The following WNK4 variants were observed in gnomAD, a reference collection of about 807,000 sequenced individuals.
WNK4 encodes WNK lysine deficient protein kinase 4, also known as serine/threonine-protein kinase WNK4.
Under a neutral mutation model 116.2 loss-of-function variants are expected in WNK4, and 94 were observed. The observed-to-expected ratio is 0.81, with a 90% CI of 0.68 to 0.96. The LOEUF (loss-of-function observed/expected upper bound fraction) is 0.96. WNK4 is among the 40% of genes least tolerant of loss of function. The probability of loss-of-function intolerance (pLI) is 0.00; values close to 1 mark genes in which losing one functional copy is unlikely to be tolerated. For synonymous variants in WNK4, 655 were observed against 672.7 expected (o/e 0.97, Z 0.41); for missense variants, 1,542 against 1,650.6 (o/e 0.93, Z 1.14).
At position 42,793,618 on chromosome 17, in the gene WNK4, G is replaced by T; in HGVS notation, c.2184G>T (p.Ser728=). ...TATATAACGAGTTCATTCTGCCTTC[G>T]GAGCGAGATGGATTTCTCAGACGGA... ...AMVYNEFILP[S]ERDGFLRRIR... Residue 728 remains serine (S), a synonymous_variant, in exon 12 of 19, where the codon TCG becomes TCT. Coordinates refer to ENST00000246914, the MANE Select transcript of WNK4 (RefSeq NM_032387.5). The T allele has an allele frequency of 6.2e-7, 1 of 1,613,986 alleles. No individual in the cohort carries two copies. Among genetic ancestry groups the T allele is most frequent in the East Asian group, 2.2e-5 (1 of 44,868 alleles).
Position 42,794,953 on chromosome 17 carries a change from C to G in WNK4, c.2532C>G (p.Ser844=). Residue 844 remains serine, a synonymous_variant, in exon 14 of 19, where the codon TCC becomes TCG. Coordinates refer to ENST00000246914, the MANE Select transcript of WNK4 (RefSeq NM_032387.5). ...PPCHPSPSPF[S]PISSQVSSNP... ...GTCATCCCAGCCCCTCCCCATTCTCCCCCATTTCTTCCCAGGTCTCCTCAA... is the reference window on the plus strand; with the variant it reads ...GTCATCCCAGCCCCTCCCCATTCTCGCCCATTTCTTCCCAGGTCTCCTCAA... 1 of 1,612,198 alleles carries G rather than the reference C, an allele frequency of 6.2e-7. No individual in the cohort carries two copies. Among genetic ancestry groups the G allele is most frequent in the African/African-American group, 1.3e-5 (1 of 74,352 alleles).
intron 11 of WNK4, among the ~76,000 whole-genome samples, chr17:42,791,326 C>A (rs1193417186): frequency 6.6e-6 from 1 of 152,232 alleles, no homozygotes; most frequent in Admixed American, 6.5e-5. Flanking sequence ...TTCAGCTACA[C>A]TTGAGTCCTC....
rs761124764 is a variant in WNK4 at position 42,795,733 on chromosome 17, CT to C, written c.3133del (p.Ser1045GlnfsTer59). ...CCCACTCTCTCTGGTTCTCCAAAAC[CT>C]TCAACCCCTCAGCTCACTTCAGAGA... ...TSPTLSGSPK[P>X]STPQLTSESS... On this transcript the variant is annotated frameshift_variant, in exon 16 of 19. Transcript: ENST00000246914. LOFTEE classifies it high-confidence loss of function. 29 of 1,613,684 alleles carry C rather than the reference CT, an allele frequency of 1.8e-5. No individual in the cohort carries two copies. Among genetic ancestry groups the C allele is most frequent in the Admixed American group, 3.3e-5 (2 of 60,028 alleles).
Position 42,787,881 on chromosome 17 carries a change from C to A in WNK4, c.1845C>A (p.Ser615=), listed in dbSNP as rs1468198285. Residue 615 remains serine, a synonymous_variant, in exon 8 of 19, where the codon TCC becomes TCA. Transcript: ENST00000246914. ...PGGVPSSLAE[S]HLCLPSAFAL... is the part of the protein sequence containing the mutation. ...GGGTGCCATCCAGCCTGGCTGAGTC[C>A]CATCTCTGCCTGCCCTCGGTGAGAG... 6.2e-7 allele frequency: 1 copy of A among 1,610,802 alleles called. No homozygotes were observed. Among genetic ancestry groups the A allele is most frequent in the South Asian group, 1.1e-5 (1 of 91,088 alleles).
rs756692904 is a variant in WNK4 at position 42,781,329 on chromosome 17, G to A, written c.618+13G>A. 3.1e-6 allele frequency: 5 copies of A among 1,614,070 alleles called. No individual in the cohort carries two copies. The Admixed American group carries it at 8.3e-5, about 27-fold the overall frequency. On this transcript the variant is annotated intron_variant, in intron 1 of 18. Transcript: ENST00000246914. ...GTGTGAGCTGCAGGTGCGGCTGGGA[G>A]CCCCCTCGGTGGCACCTTGGGATGG...
rs1184025014 is a variant in WNK4, at chr17:42,784,488, C to T, written c.1079C>T (p.Ala360Val). Residue 360 changes from alanine to valine, a missense_variant, in exon 4 of 19, where the codon GCG becomes GTG. By Grantham distance (64) the Ala-to-Val change is moderately conservative. This residue lies in a region of WNK4 where 808 missense variants were observed against 873.6 expected (regional missense o/e 0.92). Transcript: ENST00000246914. This position sits in a 1 kb window ranked among gnomAD's most constrained non-coding sequence, Gnocchi z 4.4. ...EKYDEAVDVY[A>V]FGMCMLEMAT... ...TACGATGAGGCCGTGGACGTGTACG[C>T]GTTCGGCATGTGCATGCTGGAGATG... The T allele has an allele frequency of 1.9e-6, 3 of 1,613,924 alleles. No homozygotes were observed. The highest frequency in any genetic ancestry group is 3.3e-5 in the Admixed American group (2 of 60,004).
At position 42,785,264 on chromosome 17, in the gene WNK4, A is replaced by G. The variant is rs977677844; in HGVS notation, c.1260-2A>G. On this transcript the variant is annotated splice_acceptor_variant, in intron 5 of 18. Transcript: ENST00000246914. LOFTEE classifies it high-confidence loss of function. ...CTCGGCTCACCCACGCGTCACCCTC[A>G]GGTTCACCATCCAGGACCTCCTGGC... is the stretch of plus-strand genomic sequence containing the variant. 1 of 1,608,832 alleles carries G rather than the reference A, an allele frequency of 6.2e-7. No homozygotes were observed. Among genetic ancestry groups the G allele is most frequent in the Non-Finnish European group, 8.5e-7 (1 of 1,178,002 alleles).
rs117902541 is a variant in WNK4, at chr17:42,796,209, C to T, written c.3518C>T (p.Pro1173Leu). The T allele has an allele frequency of 1.2e-5, 20 of 1,613,776 alleles. No homozygotes were observed. Among genetic ancestry groups the T allele is most frequent in the Non-Finnish European group, 1.6e-5 (19 of 1,179,950 alleles). Residue 1173 changes from proline (P) to leucine (L), a missense_variant, in exon 17 of 19, where the codon CCG becomes CTG. Around this residue, in one of 7 missense-constraint regions of WNK4, gnomAD observed 148 missense variants for 157.2 expected, o/e 0.94. Transcript: ENST00000246914. ...LYSRLGKQPP[P>L]GIVAPAAMLS... ...AGCCGGCTGGGGAAGCAGCCCCCAC[C>T]GGGTATTGTGGCCCCAGCTGCTATG...
intron 1 of WNK4, 107 bp downstream of exon 1, chr17:42,781,423 C>T: frequency 6.8e-7 from 1 of 1,468,210 alleles, no homozygotes; most frequent in Non-Finnish European, 9.4e-7. Flanking sequence ...ATGTATTTTT[C>T]CAGTCAAATG....
rs1410677644 is a variant in WNK4 at position 42,784,182 on chromosome 17, G to A, written c.1012+25G>A. 1 of 1,603,162 alleles carries A rather than the reference G, an allele frequency of 6.2e-7. No homozygotes were observed. Reference sequence around the variant, plus strand: ...GGTGCGTCTCTCCAGGAGGGTCCATGCCATTCCTTCCTCCCCCACCTCAGA... The same window carrying A: ...GGTGCGTCTCTCCAGGAGGGTCCATACCATTCCTTCCTCCCCCACCTCAGA... On this transcript the variant is annotated intron_variant, in intron 3 of 18. Coordinates refer to ENST00000246914, the MANE Select transcript of WNK4 (RefSeq NM_032387.5). The surrounding 1 kb of genome is among the most constrained non-coding windows in gnomAD (Gnocchi z 4.4).
intron 6 of WNK4, 40 bp from the exon 7 acceptor site, chr17:42,787,238 G>T (rs1002167047): frequency 1.9e-6 from 3 of 1,611,428 alleles, no homozygotes; most frequent in African/African-American, 2.7e-5. Context: ...TTTGATAGGG[G>T]GTCCCAAGCT....
chr17:42,793,947 G>T, intron 12 of WNK4: 1 of 546,124 alleles, frequency 1.8e-6, no homozygotes, highest in African/African-American at 1.9e-5. Flanking sequence ...CCGCCTCCCG[G>T]GTTCACGCCA....
At chr17:42,783,898 G>C in intron 2 of WNK4, 39 bp from the exon 3 acceptor site, 1 of 1,578,240 alleles carries the variant, frequency 6.3e-7, no homozygotes, top group East Asian at 2.3e-5. Flanking sequence ...CGGAGGACGT[G>C]TCCCCCCACC....
chr17:42,793,584 C>T lies in WNK4; in HGVS notation c.2158-8C>T, dbSNP rs2087875022. The T allele has an allele frequency of 6.2e-7, 1 of 1,613,578 alleles. No individual in the cohort carries two copies. Among genetic ancestry groups the T allele is most frequent in the African/African-American group, 1.3e-5 (1 of 74,894 alleles). On this transcript the variant is annotated splice_region_variant and splice_polypyrimidine_tract_variant and intron_variant, in intron 11 of 18. Transcript: ENST00000246914. ...GCTCTCCCTCCCCATCCTGTTGACC[C>T]TCGCAAGGTATATAACGAGTTCATT...
At position 42,794,666 on chromosome 17, in the gene WNK4, A is replaced by G. The variant is rs145613797; in HGVS notation, c.2348A>G (p.Asn783Ser). ...ALPVPLPDPS[N>S]EELQSSTSLE... The stretch of plus-strand genomic sequence containing the variant: ...CCCGTCCCCCTCCCAGACCCATCCA[A>G]TGGTATGTACTGAGTTGTGTCCTTG... The change falls in exon 13 of 19, where the codon AAT becomes AGT. Residue 783 changes from asparagine to serine, a missense_variant and splice_region_variant. Physicochemically the swap from Asn to Ser is conservative, Grantham distance 46. Transcript: ENST00000246914. The G allele has an allele frequency of 1.1e-4, 183 of 1,613,404 alleles. No individual in the cohort carries two copies. Among genetic ancestry groups the G allele is most frequent in the Middle Eastern group, 1.6e-4 (1 of 6,062 alleles).
At chr17:42,792,290 A>G (rs1433425690) in intron 11 of WNK4, among the ~76,000 whole-genome samples, 1 of 149,610 alleles carries the variant, frequency 6.7e-6, no homozygotes, top group Non-Finnish European at 1.5e-5. Flanking sequence ...GTCAATGTTC[A>G]GCTCCAAAGA....
At position 42,780,644 on chromosome 17, in the gene WNK4, G is replaced by A; in HGVS notation, c.-55G>A. The A allele has an allele frequency of 6.3e-7, 1 of 1,595,346 alleles. No individual in the cohort carries two copies. The highest frequency in any genetic ancestry group is 8.5e-7 in the Non-Finnish European group (1 of 1,177,864). Reference sequence around the variant, plus strand: ...CGCACCCAGCGAGTCCGTCTGTCAGGCCGCCTCCTCTCCGGCCGTCTGATT... The same window carrying A: ...CGCACCCAGCGAGTCCGTCTGTCAGACCGCCTCCTCTCCGGCCGTCTGATT... On this transcript the variant is annotated 5_prime_UTR_variant, in exon 1 of 19. Transcript: ENST00000246914.
rs2054639552 is a variant in WNK4, at chr17:42,794,452, T to A, written c.2296-162T>A. ...AGAGTAAGTTGCAGACATCATGCCC[T>A]TTTACCTCTATACATTTCAGCACAT... On this transcript the variant is annotated intron_variant, in intron 12 of 18. Coordinates refer to ENST00000246914, the MANE Select transcript of WNK4 (RefSeq NM_032387.5). 10 of 756,844 alleles carry A rather than the reference T, an allele frequency of 1.3e-5. No individual in the cohort carries two copies. In the East Asian group the frequency reaches 2.7e-4, roughly 20 times the overall value. The allele number at this position is 756,844 out of a possible 1,614,324, so 46.9% of individuals were successfully genotyped here.
rs200823152 is a variant in WNK4 at position 42,793,647 on chromosome 17, G to A, written c.2213G>A (p.Arg738Gln). The change falls in exon 12 of 19, where the codon CGG (arginine) becomes CAG (glutamine). Residue 738 changes from arginine (R) to glutamine (Q), a missense_variant. Transcript: ENST00000246914. ...CGAGATGGATTTCTCAGACGGATTC[G>A]GGAGATTATCCAGCGAGTGGAGACC... ...SERDGFLRRI[R>Q]EIIQRVETLL... is the part of the protein sequence containing the mutation. 1.6e-4 allele frequency: 254 copies of A among 1,613,856 alleles called. No individual in the cohort carries two copies. The highest frequency in any genetic ancestry group is 1.6e-4 in the Middle Eastern group (1 of 6,084).
Sources: gnomAD v4.1 joint callset for allele counts (sites outside exome capture counted in the v4.1 genomes callset) on GRCh38, gnomAD v4.1.1 for gene constraint, gnomAD v4.1.1 regional missense constraint, Gnocchi (gnomAD v3.1) non-coding constraint, MANE v1.5 for transcripts, NCBI Gene and HGNC (gene_info 2026-07-23, HGNC 2026-07-21) for gene names.